Variants in DAPK1 observed in about 807,000 individuals in gnomAD.
DAPK1 encodes the protein death-associated protein kinase 1.
Under a neutral mutation model 144.9 loss-of-function variants are expected in DAPK1, and 56 were observed. The observed-to-expected ratio is 0.39, with a 90% confidence interval of 0.31 to 0.48. DAPK1 has a LOEUF of 0.48. DAPK1 is among the 20% of genes least tolerant of loss of function. DAPK1 has a pLI of 0.95. For synonymous variants in DAPK1, 690 were observed against 749.0 expected, an observed-to-expected ratio of 0.92 and a Z score of 1.29; for missense variants, 1,454 against 1,875.4, an observed-to-expected ratio of 0.78 and a Z score of 4.15.
At chr9:87,510,993 G>T (rs1824817564) in intron 2 of DAPK1, among the ~76,000 whole-genome samples, 1 of 152,220 alleles carries the variant, frequency 6.6e-6, no homozygotes. Flanking sequence ...GGGAGAGAGA[G>T]GGAGAGCGAC....
chr9:87,549,399 A>C (rs1374556340), intron 2 of DAPK1, among the ~76,000 whole-genome samples: 13 of 152,196 alleles, frequency 8.5e-5, no homozygotes, highest in Non-Finnish European at 1.6e-4. Flanking sequence ...TGCAGTGAAC[A>C]TACCCATACG....
intron 2 of DAPK1, among the ~76,000 whole-genome samples, chr9:87,577,997 A>G (rs1437874069): frequency 1.3e-5 from 2 of 152,064 alleles, no homozygotes; most frequent in Non-Finnish European, 1.5e-5. Context: ...GCGAGAAGCT[A>G]CCCACAGGCC....
At chr9:87,596,915 G>T (rs1330290343) in intron 2 of DAPK1, among the ~76,000 whole-genome samples, 2 of 148,612 alleles carry the variant, frequency 1.3e-5, no homozygotes, top group Admixed American at 1.3e-4. Flanking sequence ...CTCTCAGGTG[G>T]TCGCATTGAG....
chr9:87,624,554 A>G (rs1018818154), intron 3 of DAPK1, among the ~76,000 whole-genome samples: 3 of 152,188 alleles, frequency 2.0e-5, no homozygotes, highest in Non-Finnish European at 2.9e-5. Flanking sequence ...GGTAGTGCCA[A>G]AGGGTTTGCA....
chr9:87,507,601 G>C (rs1300880057), intron 2 of DAPK1, among the ~76,000 whole-genome samples: 1 of 152,188 alleles, frequency 6.6e-6, no homozygotes, highest in Admixed American at 6.5e-5. Context: ...AGAGATGCCA[G>C]AGTGGTGGGG....
rs1015402732 is a variant in DAPK1 at position 87,646,103 on chromosome 9, A to G, written c.1131+89A>G. ...AAGGAAAGACCCCATCTGCTTCTCC[A>G]TTCTCCCTTCCAATTGGAAGCTCCA... is the stretch of plus-strand genomic sequence containing the variant. On this transcript the variant is annotated intron_variant, in intron 12 of 25. Transcript: ENST00000408954. The G allele has an allele frequency of 2.1e-6, 3 of 1,462,668 alleles. No homozygotes were observed. The African/African-American group carries it at 4.2e-5, about 21-fold the overall frequency. The allele number at this position is 1,462,668 out of a possible 1,614,324, so 90.6% of individuals were successfully genotyped here. A position where few individuals can be genotyped will look rare whatever the true frequency, so the allele number is the denominator to read the frequency against.
intron 2 of DAPK1, among the ~76,000 whole-genome samples, chr9:87,532,680 C>T (rs1399045034): frequency 6.6e-6 from 1 of 152,164 alleles, no homozygotes; most frequent in Non-Finnish European, 1.5e-5. Flanking sequence ...AGGAGCCAGG[C>T]ATTCATAATA....
At chr9:87,508,243 C>T (rs968646032) in intron 2 of DAPK1, among the ~76,000 whole-genome samples, 1 of 152,028 alleles carries the variant, frequency 6.6e-6, no homozygotes, top group Non-Finnish European at 1.5e-5. Flanking sequence ...AACTCCTGAC[C>T]TCAGGTGATC....
chr9:87,658,499 G>A (rs922920153), intron 18 of DAPK1, among the ~76,000 whole-genome samples: 3 of 152,186 alleles, frequency 2.0e-5, no homozygotes, highest in African/African-American at 7.2e-5. Context: ...GGAGCTGGGG[G>A]AGGAAGAATC....
rs1824625280 is a variant in DAPK1 at position 87,681,563 on chromosome 9, C to T, written c.2161C>T (p.Pro721Ser). ...LLRSFFRRRRPRLSSTNSSRF... is the reference protein window; with the variant it reads ...LLRSFFRRRRSRLSSTNSSRF... ...GAGGAGCTTTTTCAGAAGGCGTCGG[C>T]CCAGACTGTCTTCCACCAACTCCAG... The change falls in exon 20 of 26, where the codon CCC becomes TCC. Residue 721 changes from proline (P) to serine (S), a missense_variant. This residue lies in a region of DAPK1 where 1,025 missense variants were observed against 1,237.9 expected (regional missense o/e 0.83). Coordinates refer to ENST00000408954, the MANE Select transcript of DAPK1 (RefSeq NM_004938.4). 6.2e-7 allele frequency: 1 copy of T among 1,612,450 alleles called. No individual in the cohort carries two copies. Among genetic ancestry groups the T allele is most frequent in the African/African-American group, 1.3e-5 (1 of 74,916 alleles).
intron 2 of DAPK1, among the ~76,000 whole-genome samples, chr9:87,522,712 G>C (rs1339186115): frequency 7.9e-5 from 12 of 152,220 alleles, no homozygotes. Flanking sequence ...GTGTTACCAA[G>C]TTACTCTTCA....
At chr9:87,583,036 G>A (rs1269254062) in intron 2 of DAPK1, among the ~76,000 whole-genome samples, 1 of 152,050 alleles carries the variant, frequency 6.6e-6, no homozygotes, top group African/African-American at 2.4e-5. Context: ...GTCTTCTCCA[G>A]GTCAAGGGTA....
In DAPK1 at chr9:87,642,044, C is replaced by T. The variant is rs1329135466; in HGVS notation, c.904C>T (p.Arg302Trp). The T allele has an allele frequency of 8.7e-6, 14 of 1,613,400 alleles. No homozygotes were observed. Among genetic ancestry groups the T allele is most frequent in the African/African-American group, 1.3e-5 (1 of 74,784 alleles). The change falls in exon 10 of 26, where the codon CGG (arginine) becomes TGG (tryptophan). Residue 302 changes from arginine to tryptophan, a missense_variant. Physicochemically the swap from Arg to Trp is moderately radical, Grantham distance 101. Around this residue, in one of 2 missense-constraint regions of DAPK1, gnomAD observed 429 missense variants for 637.5 expected, o/e 0.67. Coordinates refer to ENST00000408954, the MANE Select transcript of DAPK1 (RefSeq NM_004938.4). Reference sequence around the variant, plus strand: ...GGAGAAATTCAAGAAGTTTGCAGCCCGGAAAAAATGGAAAGTAAGATTGTT... The same window carrying T: ...GGAGAAATTCAAGAAGTTTGCAGCCTGGAAAAAATGGAAAGTAAGATTGTT... The part of the protein sequence containing the change: ...NMEKFKKFAA[R>W]KKWKQSVRLI...
At chr9:87,608,824 T>C (rs1289375501) in intron 3 of DAPK1, among the ~76,000 whole-genome samples, 1 of 152,198 alleles carries the variant, frequency 6.6e-6, no homozygotes, top group East Asian at 1.9e-4. Context: ...CCTGGTTATT[T>C]GCTCTTCATA....
chr9:87,604,815 C>T lies in DAPK1; in HGVS notation c.63-139C>T, dbSNP rs1381210924. The T allele has an allele frequency of 7.5e-6, 5 of 665,354 alleles. No homozygotes were observed. In the Admixed American group the frequency reaches 1.4e-4, roughly 19 times the overall value. 41.2% of individuals were successfully genotyped at this position (665,354 alleles called of 1,614,324 possible). On this transcript the variant is annotated intron_variant, in intron 2 of 25. Transcript: ENST00000408954. ...GTAAATGAATGATGATAAGAAACATCCCTACCTAATTTGTTACTTTCCACA... is the reference window on the plus strand; with the variant it reads ...GTAAATGAATGATGATAAGAAACATTCCTACCTAATTTGTTACTTTCCACA...
At position 87,707,298 on chromosome 9, in the gene DAPK1, G is replaced by C. The variant is rs889544516; in HGVS notation, c.4227G>C (p.Glu1409Asp). 5.6e-6 allele frequency: 9 copies of C among 1,613,416 alleles called. No individual in the cohort carries two copies. The Admixed American group carries it at 1.0e-4, about 18-fold the overall frequency. Residue 1409 changes from glutamate (E) to aspartate (D), a missense_variant, in exon 26 of 26, where the codon GAG (glutamate) becomes GAC (aspartate). By Grantham distance (45) the Glu-to-Asp change is conservative (BLOSUM62 2). Around this residue, in one of 2 missense-constraint regions of DAPK1, gnomAD observed 1,025 missense variants for 1,237.9 expected, o/e 0.83. Transcript: ENST00000408954. This position sits in a 1 kb window ranked among gnomAD's most constrained non-coding sequence, Gnocchi z 4.0. ...TCAACCTGGATGGCAATGGCCAGGA[G>C]GCCTATGCCTCGAGCTGCAACAGCG... ...FKINLDGNGQ[E>D]AYASSCNSGT... is the part of the protein sequence containing the mutation.
chr9:87,658,036 G>A lies in DAPK1; in HGVS notation c.1832G>A (p.Arg611Gln), dbSNP rs751859796. The change falls in exon 18 of 26, where the codon CGA becomes CAA. Residue 611 changes from arginine to glutamine, a missense_variant. Arg to Gln is a conservative substitution (Grantham distance 43, BLOSUM62 1). Coordinates refer to ENST00000408954, the MANE Select transcript of DAPK1 (RefSeq NM_004938.4). ...TTTTTTCTCTCTTCCCAGTATGGGC[G>A]AACGCCTCTGCACCTTGCGGCCAAC... is the stretch of plus-strand genomic sequence containing the variant. ...CNLDISNKYGRTPLHLAANNG... is the reference protein window; with the variant it reads ...CNLDISNKYGQTPLHLAANNG... 8 of 1,372,496 alleles carry A rather than the reference G, an allele frequency of 5.8e-6. No individual in the cohort carries two copies. In the East Asian group the frequency reaches 9.1e-5, roughly 16 times the overall value. 85.0% of individuals were successfully genotyped at this position (1,372,496 alleles called of 1,614,324 possible).
At chr9:87,537,887 C>T (rs547403143) in intron 2 of DAPK1, among the ~76,000 whole-genome samples, 2 of 152,174 alleles carry the variant, frequency 1.3e-5, no homozygotes, top group East Asian at 1.9e-4. Context: ...CCGAGGCAAG[C>T]GGGGGTTTGA....
At chr9:87,634,180 G>A (rs1829806301) in intron 3 of DAPK1, among the ~76,000 whole-genome samples, 1 of 152,246 alleles carries the variant, frequency 6.6e-6, no homozygotes. Flanking sequence ...CATTAGCAGA[G>A]CTGAGTAGTT....
Sources: allele counts gnomAD v4.1 joint callset (sites outside exome capture counted in the v4.1 genomes callset), GRCh38; gene constraint gnomAD v4.1.1; regional missense constraint gnomAD v4.1.1; non-coding constraint Gnocchi (gnomAD v3.1); transcripts MANE v1.5; gene names NCBI Gene and HGNC (gene_info 2026-07-23, HGNC 2026-07-21).